ADGRF5: variants seen among roughly 807,000 people sequenced by gnomAD.
ADGRF5 encodes adhesion G protein-coupled receptor F5.
Under a neutral mutation model 132.3 loss-of-function variants are expected in ADGRF5, and 75 were observed. The observed-to-expected ratio is 0.57, with a 90% CI of 0.47 to 0.69. ADGRF5 has a LOEUF of 0.69. Ranked by LOEUF, ADGRF5 falls within the 30% of genes least tolerant of loss-of-function variation. The pLI is 0.00. For missense variants in ADGRF5, 1,516 were observed against 1,630.6 expected, an observed-to-expected ratio of 0.93 and a Z score of 1.21; for synonymous variants, 629 against 597.6, an observed-to-expected ratio of 1.05 and a Z score of -0.77.
At chr6:46,925,455 G>A (rs1777199792), upstream of ADGRF5, among the ~76,000 whole-genome samples, 1 of 152,124 alleles carries the variant, frequency 6.6e-6, no homozygotes, top group South Asian at 2.1e-4. Context: ...TGCATCCCTG[G>A]ACTAGAAGGT....
intron 10 of ADGRF5, among the ~76,000 whole-genome samples, chr6:46,875,850 A>G (rs1771597858): frequency 6.6e-6 from 1 of 152,198 alleles, no homozygotes; most frequent in Admixed American, 6.5e-5. Context: ...ATCTACCACA[A>G]TAACTATTTT....
In ADGRF5 at chr6:46,878,226, GC is replaced by G; in HGVS notation, c.1215del (p.Lys405AsnfsTer6). The G allele has an allele frequency of 6.2e-7, 1 of 1,611,940 alleles. No homozygotes were observed. The highest frequency in any genetic ancestry group is 2.2e-5 in the East Asian group (1 of 44,836). On this transcript the variant is annotated frameshift_variant, in exon 10 of 21. Transcript: ENST00000283296. LOFTEE classifies it high-confidence loss of function. ...GNVNWSKVEW[K>X]QEGKINIPGT... is the part of the protein sequence containing the mutation. ...CCTGGAATATTTATTTTTCCTTCCT[GC>G]TTCCATTCTACTTTGCTCCAATTAA...
chr6:46,945,195 T>A (rs183295707), intron 1 of ADGRF5, among the ~76,000 whole-genome samples: 2 of 152,230 alleles, frequency 1.3e-5, no homozygotes, highest in Non-Finnish European at 2.9e-5. Context: ...AGTCCAAGTG[T>A]CATTCATTTC....
chr6:46,912,810 C>T (rs1250711412), intron 1 of ADGRF5, among the ~76,000 whole-genome samples: 2 of 152,122 alleles, frequency 1.3e-5, no homozygotes, highest in Non-Finnish European at 1.5e-5. Context: ...AAATAACTCA[C>T]AATCTTCCTG....
chr6:46,908,025 C>T (rs1775570526), intron 1 of ADGRF5: 1 of 152,116 alleles, frequency 6.6e-6, no homozygotes, highest in South Asian at 2.1e-4. Flanking sequence ...GTAAGCATGG[C>T]CAGGATAACA....
chr6:46,862,644 G>T (rs1769897639), intron 15 of ADGRF5, among the ~76,000 whole-genome samples: 2 of 141,516 alleles, frequency 1.4e-5, no homozygotes, highest in African/African-American at 2.6e-5. Flanking sequence ...CAAGGTTAAG[G>T]TATCTAGTCG....
At chr6:46,877,927 C>T (rs138894636) in intron 10 of ADGRF5, among the ~76,000 whole-genome samples, 79 of 152,246 alleles carry the variant, frequency 5.2e-4, no homozygotes, top group African/African-American at 1.8e-3. Flanking sequence ...TCCAAAATGC[C>T]ATCGACCTAA....
In ADGRF5 at chr6:46,883,987, C is replaced by A. The variant is rs935751932; in HGVS notation, c.505+108G>T. 2.1e-5 allele frequency: 19 copies of A among 920,952 alleles called. No homozygotes were observed. In the Admixed American group the frequency reaches 3.9e-4, roughly 19 times the overall value. 57.0% of individuals were successfully genotyped at this position (920,952 alleles called of 1,614,324 possible). A position where few individuals can be genotyped will look rare whatever the true frequency, so the allele number is the denominator to read the frequency against. ...AAAGTCCTGACCACAGGTGATCCAT[C>A]CACATCGGACTATCAAAGTGCTGGG... On this transcript the variant is annotated intron_variant, in intron 5 of 20. Coordinates refer to ENST00000283296, the MANE Select transcript of ADGRF5 (RefSeq NM_001098518.2).
In ADGRF5 at chr6:46,865,306, T is replaced by G. The variant is rs141757792; in HGVS notation, c.1835-109A>C. The G allele has an allele frequency of 1.9e-3, 1,356 of 725,204 alleles. 1 individual carries two copies. The highest frequency in any genetic ancestry group is 3.0e-3 in the Middle Eastern group (10 of 3,286). The allele number at this position is 725,204 out of a possible 1,614,324, so 44.9% of individuals were successfully genotyped here. ...AACCTGTCCAAGCTTTCCCGAGGAA[T>G]GTGCCACATTCATTTTTAACAGGTT... On this transcript the variant is annotated intron_variant, in intron 13 of 20. Transcript: ENST00000283296.
upstream of ADGRF5, among the ~76,000 whole-genome samples, chr6:46,923,591 G>A (rs1582033591): frequency 2.0e-5 from 3 of 152,308 alleles, no homozygotes; most frequent in South Asian, 6.2e-4. Flanking sequence ...GCAGTTCCTG[G>A]GCAAATGCTG....
intron 1 of ADGRF5, among the ~76,000 whole-genome samples, chr6:46,915,295 T>TAAC (rs1776332293): frequency 6.6e-6 from 1 of 151,098 alleles, no homozygotes; most frequent in South Asian, 2.1e-4. Flanking sequence ...ATTTTAATAA[T>TAAC]AATAATAATA....
rs2150824901 is a variant in ADGRF5 at position 46,877,221 on chromosome 6, T to TCC, written c.1240+979_1240+980dup. ...GACCTTTGGTGAGTCCTAATTTATTTCCTCTCTTTCTTTCTTTCTTTCTTT... is the reference window on the plus strand; with the variant it reads ...GACCTTTGGTGAGTCCTAATTTATTTCCCCTCTCTTTCTTTCTTTCTTTCTTT... On this transcript the variant is annotated intron_variant, in intron 10 of 20. Transcript: ENST00000283296. Among the ~76,000 whole-genome samples the TCC allele has an allele frequency of 2.6e-5, 4 of 151,280 alleles. No homozygotes were observed. The South Asian group carries it at 8.4e-4, about 32-fold the overall frequency.
At position 46,858,177 on chromosome 6, in the gene ADGRF5, C is replaced by A. The variant is rs1269902355; in HGVS notation, c.3726G>T (p.Gly1242=). 3.7e-6 allele frequency: 6 copies of A among 1,614,026 alleles called. No individual in the cohort carries two copies. The highest frequency in any genetic ancestry group is 4.2e-6 in the Non-Finnish European group (5 of 1,179,962). The change falls in exon 17 of 21, where the codon GGG becomes GGT. Residue 1242 remains glycine (G), a synonymous_variant. Coordinates refer to ENST00000283296, the MANE Select transcript of ADGRF5 (RefSeq NM_001098518.2). Reference sequence around the variant, plus strand: ...ATATGATATGGAACACAAGGTTGGTCCCTGGGAACACAGTGGTGAGACCAA... The same window carrying A: ...ATATGATATGGAACACAAGGTTGGTACCTGGGAACACAGTGGTGAGACCAA... The part of the protein sequence containing the change: ...WGFGLTTVFP[G]TNLVFHIIFA...
intron 3 of ADGRF5, 83 bp downstream of exon 3, chr6:46,899,946 T>A: frequency 5.3e-6 from 5 of 938,292 alleles, no homozygotes; most frequent in Non-Finnish European, 8.9e-6. Flanking sequence ...CTGAATTATG[T>A]AGACTACAAT....
At chr6:46,869,949 C>T (rs1356622924) in intron 11 of ADGRF5, among the ~76,000 whole-genome samples, 1 of 151,948 alleles carries the variant, frequency 6.6e-6, no homozygotes, top group Non-Finnish European at 1.5e-5. Context: ...ATTAATAAGA[C>T]TATTACAAAT....
chr6:46,945,019 C>T (rs757906647), intron 1 of ADGRF5, among the ~76,000 whole-genome samples: 5 of 152,284 alleles, frequency 3.3e-5, no homozygotes, highest in Non-Finnish European at 5.9e-5. Context: ...TCTGCAGGTG[C>T]GCTGTGGAAA....
chr6:46,943,955 A>G (rs886978047), intron 1 of ADGRF5, among the ~76,000 whole-genome samples: 1 of 152,196 alleles, frequency 6.6e-6, no homozygotes, highest in Non-Finnish European at 1.5e-5. Context: ...TCATTAACCT[A>G]CCCAGAGAAA....
chr6:46,876,678 A>G (rs762662727), intron 10 of ADGRF5, among the ~76,000 whole-genome samples: 1 of 152,174 alleles, frequency 6.6e-6, no homozygotes, highest in Non-Finnish European at 1.5e-5. Flanking sequence ...ATCTCTGCTC[A>G]CTGCAACCTC....
intron 1 of ADGRF5, among the ~76,000 whole-genome samples, chr6:46,947,644 C>T (rs1778348161): frequency 6.6e-6 from 1 of 152,224 alleles, no homozygotes; most frequent in Admixed American, 6.5e-5. Flanking sequence ...AGAGGAAGCA[C>T]AGGCTTTGTG....
Sources: allele counts gnomAD v4.1 joint callset (sites outside exome capture counted in the v4.1 genomes callset), GRCh38; gene constraint gnomAD v4.1.1; transcripts MANE v1.5; gene names NCBI Gene and HGNC (gene_info 2026-07-23, HGNC 2026-07-21).